CYP2C19: variants seen among roughly 807,000 people sequenced by gnomAD.
CYP2C19 encodes the protein cytochrome P450 family 2 subfamily C member 19.
CYP2C19 carries 59 observed loss-of-function variants against 40.9 expected under a neutral mutation model. The observed-to-expected ratio is 1.44, with a 90% CI of 1.17 to 1.79. The LOEUF is 1.79. Ranked by LOEUF, CYP2C19 falls within the 40% of genes most tolerant of loss-of-function variation. The pLI, the probability that CYP2C19 is intolerant of heterozygous loss-of-function variation, is 0.00. For missense variants in CYP2C19, 754 were observed against 596.9 expected (o/e 1.26, Z -2.74); for synonymous variants, 253 against 208.7 (o/e 1.21, Z -1.83).
intron 5 of CYP2C19, among the ~76,000 whole-genome samples, chr10:94,813,145 A>T (rs1299019827): frequency 1.3e-5 from 2 of 151,754 alleles, no homozygotes; most frequent in African/African-American, 2.4e-5. Flanking sequence ...GGTCTGCTGG[A>T]GTTTGCTTGA....
In CYP2C19 at chr10:94,853,027, T is replaced by C; in HGVS notation, c.*113T>C. 1 of 1,154,012 alleles carries C rather than the reference T, an allele frequency of 8.7e-7. No individual in the cohort carries two copies. The highest frequency in any genetic ancestry group is 1.2e-6 in the Non-Finnish European group (1 of 810,474). 71.5% of individuals were successfully genotyped at this position (1,154,012 alleles called of 1,614,324 possible). ...TGACCCGTCATCTCACATTTTCCCT[T>C]CCCCCAAGATCTAGTGAACATTCAG... On this transcript the variant is annotated 3_prime_UTR_variant, in exon 9 of 9. Coordinates refer to ENST00000371321, the MANE Select transcript of CYP2C19 (RefSeq NM_000769.4).
rs186497012 is a variant in CYP2C19 at position 94,831,953 on chromosome 10, G to A, written c.962-10884G>A. 2.0e-5 allele frequency among the ~76,000 whole-genome samples: 3 copies of A among 152,130 alleles called. No homozygotes were observed. The East Asian group carries it at 5.8e-4, about 29-fold the overall frequency. ...TTTGCTTTGAATGCCTGTGCTTGTG[G>A]GGTATTGCTCAAGAAATTTTTGCCT... is the stretch of plus-strand genomic sequence containing the variant. On this transcript the variant is annotated intron_variant, in intron 6 of 8. Coordinates refer to ENST00000371321, the MANE Select transcript of CYP2C19 (RefSeq NM_000769.4).
At chr10:94,829,726 G>A (rs1011404787) in intron 6 of CYP2C19, among the ~76,000 whole-genome samples, 3 of 151,836 alleles carry the variant, frequency 2.0e-5, no homozygotes, top group Non-Finnish European at 2.9e-5. Context: ...AGGAGGAGAG[G>A]CGCTCTGCTT....
chr10:94,786,059 GTCTCTCTC>G (rs148764138), intron 5 of CYP2C19, among the ~76,000 whole-genome samples: 1 of 149,714 alleles, frequency 6.7e-6, no homozygotes, highest in Non-Finnish European at 1.5e-5. Flanking sequence ...CTCTTTGGAT[GTCTCTCTC>G]TCTCTCTCTC....
At position 94,791,731 on chromosome 10, in the gene CYP2C19, C is replaced by T. The variant is rs567730653; in HGVS notation, c.819+9734C>T. Among the ~76,000 whole-genome samples, 20 of 152,246 alleles carry T rather than the reference C, an allele frequency of 1.3e-4. 1 individual carries two copies. In the South Asian group the frequency reaches 3.7e-3, roughly 28 times the overall value. On this transcript the variant is annotated intron_variant, in intron 5 of 8. Transcript: ENST00000371321. ...TTTGATTGCACCGTGGTCTGAGAGA[C>T]AGTTTGTTATAATTTCTATTCTTTT... is the stretch of plus-strand genomic sequence containing the variant.
intron 5 of CYP2C19, among the ~76,000 whole-genome samples, chr10:94,796,444 G>T (rs1360942774): frequency 6.6e-6 from 1 of 152,138 alleles, no homozygotes; most frequent in Non-Finnish European, 1.5e-5. Context: ...CTCCAGCTTT[G>T]TTCTTTTGGC....
At chr10:94,824,536 G>T (rs181635441) in intron 6 of CYP2C19, among the ~76,000 whole-genome samples, 14 of 152,254 alleles carry the variant, frequency 9.2e-5, no homozygotes, top group African/African-American at 3.4e-4. Context: ...ATATATATGC[G>T]TAAATCTGTT....
At chr10:94,793,608 A>G (rs1192900683) in intron 5 of CYP2C19, among the ~76,000 whole-genome samples, 1 of 151,810 alleles carries the variant, frequency 6.6e-6, no homozygotes, top group Non-Finnish European at 1.5e-5. Context: ...GGCCTGTTGG[A>G]GTTTGCTGGA....
At chr10:94,831,108 A>G (rs1348626828) in intron 6 of CYP2C19, among the ~76,000 whole-genome samples, 1 of 152,154 alleles carries the variant, frequency 6.6e-6, no homozygotes, top group South Asian at 2.1e-4. Flanking sequence ...AGATCCCACA[A>G]ATAAGTGAGA....
chr10:94,842,393 G>A (rs1203160884), intron 6 of CYP2C19, among the ~76,000 whole-genome samples: 2 of 86,944 alleles, frequency 2.3e-5, no homozygotes, highest in Non-Finnish European at 4.6e-5. Context: ...TTTAAGTGAA[G>A]TTTTTTTTTT....
At chr10:94,766,498 G>A (rs1370741647) in intron 1 of CYP2C19, among the ~76,000 whole-genome samples, 2 of 152,122 alleles carry the variant, frequency 1.3e-5, no homozygotes, top group Admixed American at 6.5e-5. Context: ...ACAGTATATA[G>A]TCCTATTGCA....
intron 6 of CYP2C19, among the ~76,000 whole-genome samples, chr10:94,833,374 G>T (rs1849358684): frequency 6.6e-6 from 1 of 152,006 alleles, no homozygotes; most frequent in Non-Finnish European, 1.5e-5. Context: ...TCCCCACTCA[G>T]TATGGTACTA....
intron 7 of CYP2C19, among the ~76,000 whole-genome samples, chr10:94,844,496 CCAGA>C (rs1158130508): frequency 1.3e-5 from 2 of 152,124 alleles, no homozygotes; most frequent in Admixed American, 1.3e-4. Context: ...CTGTATTCAT[CCAGA>C]CACTCTAGTT....
chr10:94,833,263 C>A (rs1292732799), intron 6 of CYP2C19, among the ~76,000 whole-genome samples: 1 of 152,060 alleles, frequency 6.6e-6, no homozygotes, highest in African/African-American at 2.4e-5. Flanking sequence ...TTTCTCTTGC[C>A]TGATTGCTCT....
At chr10:94,808,995 A>G (rs534595359) in intron 5 of CYP2C19, among the ~76,000 whole-genome samples, 5 of 152,214 alleles carry the variant, frequency 3.3e-5, no homozygotes, top group Non-Finnish European at 7.4e-5. Context: ...TTTTAGTTTT[A>G]TGAGGAACCT....
chr10:94,852,621 G>A, intron 8 of CYP2C19, 112 bp from the exon 9 acceptor site: 2 of 1,162,114 alleles, frequency 1.7e-6, no homozygotes, highest in Non-Finnish European at 2.5e-6. Context: ...TCCCTCCTAT[G>A]ATTCACCGAA....
At chr10:94,775,832 AT>A (rs924221483) in intron 3 of CYP2C19, 28 of 472,106 alleles carry the variant, frequency 5.9e-5, no homozygotes, top group Non-Finnish European at 9.9e-5. Context: ...TTTTGAGTTC[AT>A]TTTTTGAAAG....
At chr10:94,828,363 T>G (rs1405087539) in intron 6 of CYP2C19, among the ~76,000 whole-genome samples, 3 of 151,626 alleles carry the variant, frequency 2.0e-5, no homozygotes, top group Admixed American at 1.3e-4. Context: ...TGGGTGCATA[T>G]ATATTTAGCA....
At chr10:94,827,890 C>A (rs970047665) in intron 6 of CYP2C19, among the ~76,000 whole-genome samples, 1 of 151,908 alleles carries the variant, frequency 6.6e-6, no homozygotes, top group Non-Finnish European at 1.5e-5. Context: ...TTTCAAAGAA[C>A]ATCTTTATTT....
Sources: allele counts gnomAD v4.1 joint callset (sites outside exome capture counted in the v4.1 genomes callset), GRCh38; gene constraint gnomAD v4.1.1; transcripts MANE v1.5; gene names NCBI Gene and HGNC (gene_info 2026-07-23, HGNC 2026-07-21).